UBE4B: variants seen among roughly 807,000 people sequenced by gnomAD.
UBE4B encodes the protein ubiquitin conjugation factor E4 B.
In UBE4B, 27 loss-of-function variants were observed where a neutral mutation model predicts 148.1. The ratio of observed to expected loss-of-function variants is 0.18; its 90% CI spans 0.13 to 0.25. UBE4B has a LOEUF of 0.25. UBE4B is among the 10% of genes least tolerant of loss of function. The pLI, the probability that UBE4B is intolerant of heterozygous loss-of-function variation, is 1.00. For synonymous variants in UBE4B, 596 were observed against 619.3 expected, an observed-to-expected ratio of 0.96 and a Z score of 0.56; for missense variants, 1,170 against 1,662.4, an observed-to-expected ratio of 0.70 and a Z score of 5.15.
chr1:10,046,206 C>G (rs1421976444), intron 1 of UBE4B, among the ~76,000 whole-genome samples: 1 of 152,188 alleles, frequency 6.6e-6, no homozygotes, highest in Non-Finnish European at 1.5e-5. Flanking sequence ...ATGGCCACAG[C>G]TACTTGCTGG....
rs968156536 is a variant in UBE4B at position 10,083,509 on chromosome 1, A to G, written c.211+11295A>G. Among the ~76,000 whole-genome samples the G allele has an allele frequency of 5.9e-5, 9 of 152,370 alleles. No individual in the cohort carries two copies. In the East Asian group the frequency reaches 1.5e-3, roughly 26 times the overall value. ...TCTTTGGCTAAGAATGCTATCCACA[A>G]TGACAATGAAATTCTAACTTTGGTC... On this transcript the variant is annotated intron_variant, in intron 2 of 27. Transcript: ENST00000343090.
chr1:10,096,471 C>T (rs1421774797), intron 3 of UBE4B, among the ~76,000 whole-genome samples: 1 of 152,166 alleles, frequency 6.6e-6, no homozygotes, highest in African/African-American at 2.4e-5. Flanking sequence ...ATGGCTCATG[C>T]CTGTAATCCT....
intron 2 of UBE4B, among the ~76,000 whole-genome samples, chr1:10,073,710 T>C (rs1242905917): frequency 6.6e-6 from 1 of 151,830 alleles, no homozygotes; most frequent in African/African-American, 2.4e-5. Context: ...TGGCGTGAGA[T>C]TCTGTCTCAA....
intron 8 of UBE4B, among the ~76,000 whole-genome samples, chr1:10,118,374 C>G (rs573725096): frequency 1.3e-5 from 2 of 152,050 alleles, no homozygotes; most frequent in African/African-American, 4.8e-5. Context: ...GTCTCGTTCT[C>G]TCACCCAGGC....
intron 17 of UBE4B, among the ~76,000 whole-genome samples, chr1:10,143,472 C>T (rs1346054631): frequency 2.0e-5 from 3 of 152,090 alleles, no homozygotes; most frequent in African/African-American, 7.2e-5. Context: ...GTCACATCTC[C>T]TTCTCTGTCT....
intron 21 of UBE4B, 127 bp downstream of exon 21, chr1:10,151,688 C>T (rs1645978126): frequency 1.3e-6 from 1 of 780,948 alleles, no homozygotes; most frequent in African/African-American, 1.7e-5. Context: ...AGCCTACTAA[C>T]CTGTGGCCTG....
intron 2 of UBE4B, among the ~76,000 whole-genome samples, chr1:10,078,587 C>T (rs561942010): frequency 1.3e-5 from 2 of 152,240 alleles, no homozygotes; most frequent in African/African-American, 4.8e-5. Flanking sequence ...TTTTATTTTA[C>T]AGCCTTGTTT....
rs755627549 is a variant in UBE4B at position 10,106,620 on chromosome 1, G to A, written c.1196+37G>A. 20 of 1,496,246 alleles carry A rather than the reference G, an allele frequency of 1.3e-5. No homozygotes were observed. In the Admixed American group the frequency reaches 2.1e-4, roughly 16 times the overall value. The allele number at this position is 1,496,246 out of a possible 1,614,324, so 92.7% of individuals were successfully genotyped here. Reference sequence around the variant, plus strand: ...ACAGGAGAGTTGCATGTGTGTTTGCGGTGCAGGGAAAGGAGATTAACACGG... The same window carrying A: ...ACAGGAGAGTTGCATGTGTGTTTGCAGTGCAGGGAAAGGAGATTAACACGG... On this transcript the variant is annotated intron_variant, in intron 7 of 27. Transcript: ENST00000343090. The surrounding 1 kb of genome is among the most constrained non-coding windows in gnomAD (Gnocchi z 4.2).
intron 1 of UBE4B, among the ~76,000 whole-genome samples, chr1:10,056,080 A>C (rs1644163036): frequency 6.6e-6 from 1 of 152,190 alleles, no homozygotes; most frequent in East Asian, 1.9e-4. Flanking sequence ...AAAGGGCATA[A>C]AGTTTCTGCA....
intron 7 of UBE4B, among the ~76,000 whole-genome samples, chr1:10,111,505 C>T (rs762411164): frequency 2.0e-5 from 3 of 152,180 alleles, no homozygotes; most frequent in Non-Finnish European, 4.4e-5. Flanking sequence ...AGAACACACA[C>T]GCACCCATGC....
At chr1:10,034,204 T>C (rs1643411664) in intron 1 of UBE4B, among the ~76,000 whole-genome samples, 1 of 152,202 alleles carries the variant, frequency 6.6e-6, no homozygotes. Context: ...TCTTTGATAT[T>C]TAACAAAATA....
chr1:10,078,110 A>G (rs1644615166), intron 2 of UBE4B, among the ~76,000 whole-genome samples: 1 of 152,076 alleles, frequency 6.6e-6, no homozygotes, highest in Non-Finnish European at 1.5e-5. Context: ...CCCGGGTTCA[A>G]GTGATTCTCC....
intron 7 of UBE4B, among the ~76,000 whole-genome samples, chr1:10,117,139 G>A (rs1350449228): frequency 6.6e-6 from 1 of 152,134 alleles, no homozygotes; most frequent in Non-Finnish European, 1.5e-5. Context: ...TCTGAGTGAT[G>A]CCATTCTTTT....
chr1:10,070,725 A>G (rs1437414826), intron 1 of UBE4B, among the ~76,000 whole-genome samples: 2 of 152,122 alleles, frequency 1.3e-5, no homozygotes, highest in East Asian at 3.8e-4. Context: ...GAATGGATTA[A>G]TTTTTCTCTT....
chr1:10,179,841 T>G, intron 27 of UBE4B, 54 bp from the exon 28 acceptor site: 1 of 1,601,198 alleles, frequency 6.2e-7, no homozygotes, highest in South Asian at 1.1e-5. Context: ...GCATCCTCTC[T>G]CAGGAAGAGC....
intron 24 of UBE4B, among the ~76,000 whole-genome samples, chr1:10,169,559 G>GA (rs1212813306): frequency 6.6e-6 from 1 of 152,246 alleles, no homozygotes; most frequent in Non-Finnish European, 1.5e-5. Context: ...CATGGAGCAT[G>GA]AAACAAAACA....
intron 7 of UBE4B, chr1:10,107,334 GGT>G (rs1645131186): frequency 4.7e-6 from 6 of 1,289,356 alleles, no homozygotes; most frequent in Non-Finnish European, 6.1e-6. Context: ...TGAAGGTGGT[GGT>G]GGTGGTGATG....
intron 7 of UBE4B, among the ~76,000 whole-genome samples, chr1:10,114,454 T>C (rs1289193264): frequency 6.6e-6 from 1 of 152,318 alleles, no homozygotes; most frequent in African/African-American, 2.4e-5. Context: ...TTTGTTCTAG[T>C]GTGTGTTTTT....
chr1:10,174,461 G>A (rs1055067612), intron 25 of UBE4B, among the ~76,000 whole-genome samples: 5 of 151,670 alleles, frequency 3.3e-5, no homozygotes, highest in African/African-American at 1.2e-4. Context: ...AGCACTTTGG[G>A]GAGCCGAGGC....
Sources: allele counts gnomAD v4.1 joint callset (sites outside exome capture counted in the v4.1 genomes callset), GRCh38; gene constraint gnomAD v4.1.1; non-coding constraint Gnocchi (gnomAD v3.1); transcripts MANE v1.5; gene names NCBI Gene and HGNC (gene_info 2026-07-23, HGNC 2026-07-21).